The following FUBP3 variants were observed in gnomAD, a reference collection of about 807,000 sequenced individuals.
FUBP3 encodes the protein far upstream element-binding protein 3.
FUBP3 carries 28 observed loss-of-function variants against 85.6 expected under a neutral mutation model. The ratio of observed to expected loss-of-function variants is 0.33; its 90% CI spans 0.24 to 0.45. The LOEUF (loss-of-function observed/expected upper bound fraction) is 0.45, where lower values mean the gene tolerates loss of function less well. FUBP3 is among the 20% of genes least tolerant of loss of function. FUBP3 has a pLI of 1.00. For synonymous variants in FUBP3, 271 were observed against 271.4 expected (o/e 1.00, Z 0.01); for missense variants, 583 against 755.1 (o/e 0.77, Z 2.67).
chr9:130,594,779 C>G (rs1830784427), intron 1 of FUBP3, among the ~76,000 whole-genome samples: 1 of 151,450 alleles, frequency 6.6e-6, no homozygotes, highest in Non-Finnish European at 1.5e-5. Context: ...CACATGAGGC[C>G]TTTCAAATAT....
intron 1 of FUBP3, among the ~76,000 whole-genome samples, chr9:130,589,699 ATATATATTT>A (rs1214719113): frequency 1.4e-4 from 4 of 28,574 alleles, no homozygotes; most frequent in East Asian, 1.4e-3. Context: ...ATATATATAT[ATATATATTT>A]TTTTTTTTTT....
chr9:130,605,603 G>T (rs926313277), intron 2 of FUBP3, among the ~76,000 whole-genome samples: 1 of 152,208 alleles, frequency 6.6e-6, no homozygotes, highest in African/African-American at 2.4e-5. Context: ...GTGGGTTCAC[G>T]CAGGTGAGGT....
chr9:130,630,905 C>G, intron 13 of FUBP3, 117 bp downstream of exon 13: 1 of 795,796 alleles, frequency 1.3e-6, no homozygotes, highest in Non-Finnish European at 1.8e-6. Flanking sequence ...TCTCACATCA[C>G]ACGAGGGCAA....
At chr9:130,615,997 A>T (rs764488873) in intron 6 of FUBP3, among the ~76,000 whole-genome samples, 1 of 152,164 alleles carries the variant, frequency 6.6e-6, no homozygotes, top group East Asian at 1.9e-4. Flanking sequence ...GTCATGTTGG[A>T]TGGGGGAACA....
intron 1 of FUBP3, among the ~76,000 whole-genome samples, chr9:130,595,217 A>C (rs2119026004): frequency 7.7e-6 from 1 of 130,574 alleles, no homozygotes; most frequent in East Asian, 2.4e-4. Context: ...CAAGAGCGAA[A>C]CTCCGTCTCA....
chr9:130,588,774 A>T (rs528705848), intron 1 of FUBP3, among the ~76,000 whole-genome samples: 1 of 152,336 alleles, frequency 6.6e-6, no homozygotes, highest in Non-Finnish European at 1.5e-5. Flanking sequence ...AGTGGGATGC[A>T]GGACTGGGAC....
chr9:130,635,173 G>A lies in FUBP3; in HGVS notation c.1582+435G>A, dbSNP rs1830369098. ...GGAGAGGTGGTGAGATTCAGGGAAG[G>A]AGGCCTTACCTGGGCATTGGAGCTG... On this transcript the variant is annotated intron_variant, in intron 17 of 18. Coordinates refer to ENST00000319725, the MANE Select transcript of FUBP3 (RefSeq NM_003934.2). This position sits in a 1 kb window ranked among gnomAD's most constrained non-coding sequence, Gnocchi z 4.3. Among the ~76,000 whole-genome samples the A allele has an allele frequency of 6.6e-6, 1 of 152,156 alleles. No individual in the cohort carries two copies. The highest frequency in any genetic ancestry group is 1.5e-5 in the Non-Finnish European group (1 of 68,028).
At chr9:130,589,294 A>G (rs985473870) in intron 1 of FUBP3, among the ~76,000 whole-genome samples, 22 of 152,058 alleles carry the variant, frequency 1.4e-4, no homozygotes, top group African/African-American at 5.3e-4. Flanking sequence ...TTTCCGTATC[A>G]TTGAACCTTC....
intron 2 of FUBP3, among the ~76,000 whole-genome samples, chr9:130,601,048 G>A (rs965579233): frequency 3.3e-5 from 5 of 152,222 alleles, no homozygotes; most frequent in Admixed American, 6.5e-5. Flanking sequence ...AAAAACAGCT[G>A]TAGCATCTAC....
At chr9:130,599,236 G>C (rs1212248946) in intron 2 of FUBP3, among the ~76,000 whole-genome samples, 1 of 151,878 alleles carries the variant, frequency 6.6e-6, no homozygotes. Flanking sequence ...AGGTTGCAGT[G>C]AGCCAAGATC....
At chr9:130,610,598 G>A (rs1831693277) in intron 3 of FUBP3, among the ~76,000 whole-genome samples, 1 of 152,240 alleles carries the variant, frequency 6.6e-6, no homozygotes, top group Admixed American at 6.5e-5. Context: ...CAATCTGTAA[G>A]ATGGGGTATG....
intron 2 of FUBP3, among the ~76,000 whole-genome samples, chr9:130,598,067 A>G (rs531930989): frequency 2.0e-5 from 3 of 152,356 alleles, no homozygotes; most frequent in African/African-American, 7.2e-5. Context: ...CGCAATATAA[A>G]TGAACCCGAG....
intron 5 of FUBP3, 124 bp downstream of exon 5, chr9:130,613,151 G>A (rs1831835876): frequency 3.1e-6 from 2 of 650,130 alleles, no homozygotes; most frequent in African/African-American, 1.8e-5. Flanking sequence ...CTTGCACTTT[G>A]GGAGTTGGAC....
In FUBP3 at chr9:130,600,384, C is replaced by T. The variant is rs563737031; in HGVS notation, c.190+4796C>T. On this transcript the variant is annotated intron_variant, in intron 2 of 18. Transcript: ENST00000319725. The stretch of plus-strand genomic sequence containing the variant: ...TGCTCAAGTTCTCCCGTGTTTCCTA[C>T]GATTTGCATTTTTAAATTTTGGGAA... Among the ~76,000 whole-genome samples the T allele has an allele frequency of 4.6e-5, 7 of 152,216 alleles. No individual in the cohort carries two copies. The South Asian group carries it at 6.2e-4, about 14-fold the overall frequency.
intron 7 of FUBP3, among the ~76,000 whole-genome samples, chr9:130,617,372 T>C (rs545477790): frequency 1.3e-5 from 2 of 152,298 alleles, no homozygotes; most frequent in Admixed American, 1.3e-4. Flanking sequence ...AGTTTATCAT[T>C]TGGGATCCCA....
intron 13 of FUBP3, 112 bp from the exon 14 acceptor site, chr9:130,631,445 C>A: frequency 1.6e-6 from 2 of 1,266,744 alleles, no homozygotes; most frequent in Non-Finnish European, 2.2e-6. Context: ...GGTGTCCTTA[C>A]TTCACTCGAC....
chr9:130,630,893 G>A (rs1355567501), intron 13 of FUBP3, 105 bp downstream of exon 13: 2 of 897,156 alleles, frequency 2.2e-6, no homozygotes, highest in Non-Finnish European at 3.1e-6. Context: ...GTGCCTGTGG[G>A]TTCTCACATC....
At chr9:130,636,675 C>T (rs1376442075) in intron 18 of FUBP3, among the ~76,000 whole-genome samples, 5 of 152,220 alleles carry the variant, frequency 3.3e-5, no homozygotes, top group African/African-American at 4.8e-5. Flanking sequence ...TCCCACAGGG[C>T]GCATTTCCCA....
intron 1 of FUBP3, among the ~76,000 whole-genome samples, chr9:130,585,698 T>G (rs1420130485): frequency 6.6e-6 from 1 of 152,248 alleles, no homozygotes; most frequent in African/African-American, 2.4e-5. Context: ...TTAGATCACT[T>G]CGTGCCCTCT....
Sources: gnomAD v4.1 joint callset for allele counts (sites outside exome capture counted in the v4.1 genomes callset) on GRCh38, gnomAD v4.1.1 for gene constraint, Gnocchi (gnomAD v3.1) non-coding constraint, MANE v1.5 for transcripts, NCBI Gene and HGNC (gene_info 2026-07-23, HGNC 2026-07-21) for gene names.